PARD3: variants seen among roughly 807,000 people sequenced by gnomAD.
PARD3 encodes the protein par-3 family cell polarity regulator, also known as partitioning defective 3 homolog.
Under a neutral mutation model 155.4 loss-of-function variants are expected in PARD3, and 75 were observed. That is an observed-to-expected ratio of 0.48 (90% CI 0.40 to 0.58). PARD3 has a LOEUF of 0.58. PARD3 is among the 20% of genes least tolerant of loss of function. The probability of loss-of-function intolerance (pLI) is 0.00; values close to 1 mark genes in which losing one functional copy is unlikely to be tolerated. For synonymous variants in PARD3, 576 were observed against 610.5 expected, an observed-to-expected ratio of 0.94 and a Z score of 0.83; for missense variants, 1,642 against 1,721.7, an observed-to-expected ratio of 0.95 and a Z score of 0.82.
chr10:34,505,111 T>C (rs2080976047), intron 3 of PARD3, among the ~76,000 whole-genome samples: 1 of 152,214 alleles, frequency 6.6e-6, no homozygotes, highest in Non-Finnish European at 1.5e-5. Flanking sequence ...TTTCAGGCAA[T>C]TATTTTCTCC....
chr10:34,469,495 TAGGTC>T (rs2078216130), intron 4 of PARD3, among the ~76,000 whole-genome samples: 1 of 152,120 alleles, frequency 6.6e-6, no homozygotes, highest in Non-Finnish European at 1.5e-5. Flanking sequence ...TAAAATAAAT[TAGGTC>T]AGGGAAGAAA....
At position 34,504,606 on chromosome 10, in the gene PARD3, A is replaced by T. The variant is rs16935463; in HGVS notation, c.403+12373T>A. 5.8e-3 allele frequency among the ~76,000 whole-genome samples: 886 copies of T among 152,270 alleles called. 7 individuals carry two copies. Among genetic ancestry groups the T allele is most frequent in the African/African-American group, 0.02 (850 of 41,522 alleles). On this transcript the variant is annotated intron_variant, in intron 3 of 24. Transcript: ENST00000374788. ...TTTTCCTTTAAAATGTAGCCCAGAGAGAGACTACCAGCTGTCCATTCCATG... is the reference window on the plus strand; with the variant it reads ...TTTTCCTTTAAAATGTAGCCCAGAGTGAGACTACCAGCTGTCCATTCCATG...
intron 20 of PARD3, among the ~76,000 whole-genome samples, chr10:34,309,524 T>G (rs1957586362): frequency 8.8e-6 from 1 of 113,618 alleles, no homozygotes; most frequent in Non-Finnish European, 1.6e-5. Flanking sequence ...ACCACTGTAC[T>G]CCTGCTGAGC....
intron 2 of PARD3, among the ~76,000 whole-genome samples, chr10:34,517,444 C>A (rs766371442): frequency 1.5e-4 from 23 of 151,976 alleles, no homozygotes; most frequent in Non-Finnish European, 2.9e-4. Context: ...AGATATAAAT[C>A]TTCTTAAAAA....
chr10:34,129,698 C>CTATTTTTTTTTTTTTT (rs1346445542), intron 23 of PARD3, among the ~76,000 whole-genome samples: 4 of 59,754 alleles, frequency 6.7e-5, no homozygotes, highest in African/African-American at 2.2e-4. Flanking sequence ...AATGTCAAGC[C>CTATTTTTTTTTTTTTT]TCTTTTTTTT....
At chr10:34,458,786 G>C (rs1208731362) in intron 4 of PARD3, among the ~76,000 whole-genome samples, 6 of 152,164 alleles carry the variant, frequency 3.9e-5, no homozygotes, top group Admixed American at 2.0e-4. Context: ...AGAGCCTAAA[G>C]GAAAGCCGCA....
intron 22 of PARD3, among the ~76,000 whole-genome samples, chr10:34,149,248 T>C (rs1948668688): frequency 6.6e-6 from 1 of 152,098 alleles, no homozygotes; most frequent in Non-Finnish European, 1.5e-5. Flanking sequence ...GTAGAAATCA[T>C]CTAGTGATTA....
At chr10:34,308,843 CA>C (rs112808227) in intron 20 of PARD3, among the ~76,000 whole-genome samples, 4,558 of 152,240 alleles carry the variant, frequency 0.03, 208 homozygotes, top group African/African-American at 0.1. Flanking sequence ...TCGGACTGAG[CA>C]CCTGGGGCAC....
intron 5 of PARD3, among the ~76,000 whole-genome samples, chr10:34,423,166 T>C (rs1209705616): frequency 1.3e-5 from 2 of 152,026 alleles, no homozygotes; most frequent in African/African-American, 2.4e-5. Context: ...AATCTATCAC[T>C]GTGGCAACAT....
At chr10:34,525,836 A>C (rs1030244231) in intron 2 of PARD3, among the ~76,000 whole-genome samples, 1 of 151,966 alleles carries the variant, frequency 6.6e-6, no homozygotes, top group African/African-American at 2.4e-5. Context: ...TAATTCCAGC[A>C]CTTTGGGAGG....
chr10:34,626,353 C>A (rs536041417), intron 2 of PARD3, among the ~76,000 whole-genome samples: 2 of 152,296 alleles, frequency 1.3e-5, no homozygotes, highest in East Asian at 1.9e-4. Context: ...CTCTCTCCCC[C>A]CTCCTCTCTG....
chr10:34,419,439 C>T (rs556145484), intron 5 of PARD3, among the ~76,000 whole-genome samples: 62 of 152,186 alleles, frequency 4.1e-4, no homozygotes, highest in Non-Finnish European at 7.6e-4. Context: ...ATTGCTTGAA[C>T]CCAGCAGGCG....
In PARD3 at chr10:34,376,753, G is replaced by A. The variant is rs561117885; in HGVS notation, c.1539+1214C>T. On this transcript the variant is annotated intron_variant, in intron 10 of 24. Coordinates refer to ENST00000374788, the MANE Select transcript of PARD3 (RefSeq NM_001184785.2). ...CCCCTACTTTACAAAAATTCTTTAG[G>A]AGAACTCAATCTGGAGAGATAGAAA... Among the ~76,000 whole-genome samples, 5 of 151,840 alleles carry A rather than the reference G, an allele frequency of 3.3e-5. No homozygotes were observed. The South Asian group carries it at 1.0e-3, about 32-fold the overall frequency.
At chr10:34,479,475 T>C (rs980843697) in intron 3 of PARD3, among the ~76,000 whole-genome samples, 2 of 152,180 alleles carry the variant, frequency 1.3e-5, no homozygotes, top group African/African-American at 2.4e-5. Context: ...CCTTTAAATT[T>C]TTTTTAAAGC....
At chr10:34,339,320 A>G (rs2384209) in intron 16 of PARD3, among the ~76,000 whole-genome samples, 84,251 of 151,564 alleles carry the variant, frequency 0.56, 24,121 homozygotes, top group African/African-American at 0.7. Flanking sequence ...TCGCGCCACT[A>G]CACTCCAGCC....
intron 4 of PARD3, among the ~76,000 whole-genome samples, chr10:34,455,674 G>A (rs1206009480): frequency 1.3e-5 from 2 of 152,054 alleles, no homozygotes; most frequent in Admixed American, 6.5e-5. Flanking sequence ...AATGAAGGCA[G>A]AAAATTTTGG....
chr10:34,195,036 T>C (rs1360386241), intron 22 of PARD3, among the ~76,000 whole-genome samples: 1 of 152,252 alleles, frequency 6.6e-6, no homozygotes, highest in African/African-American at 2.4e-5. Context: ...GTAATTTCTC[T>C]ATGTAAAATT....
chr10:34,501,960 C>T (rs1054590558), intron 3 of PARD3, among the ~76,000 whole-genome samples: 28 of 152,072 alleles, frequency 1.8e-4, no homozygotes, highest in African/African-American at 6.5e-4. Context: ...TGGATTAGTG[C>T]CCTTATTAAA....
At chr10:34,692,181 G>A (rs2094075480) in intron 2 of PARD3, among the ~76,000 whole-genome samples, 1 of 150,692 alleles carries the variant, frequency 6.6e-6, no homozygotes, top group Admixed American at 6.6e-5. Flanking sequence ...GCAGTGAGCT[G>A]AGATCGCGCC....
Sources: allele counts gnomAD v4.1 joint callset (sites outside exome capture counted in the v4.1 genomes callset), GRCh38; gene constraint gnomAD v4.1.1; transcripts MANE v1.5; gene names NCBI Gene and HGNC (gene_info 2026-07-23, HGNC 2026-07-21).